HIBADH: variants seen among roughly 807,000 people sequenced by gnomAD.
The protein encoded by HIBADH is 3-hydroxyisobutyrate dehydrogenase, also known as 3-hydroxyisobutyrate dehydrogenase, mitochondrial.
Under a neutral mutation model 36.1 loss-of-function variants are expected in HIBADH, and 25 were observed. The observed-to-expected ratio is 0.69, with a 90% CI of 0.50 to 0.97. The LOEUF is 0.97. Ranked by LOEUF, HIBADH falls within the 50% of genes least tolerant of loss-of-function variation. The pLI is 0.00. For synonymous variants in HIBADH, 160 were observed against 149.5 expected, an observed-to-expected ratio of 1.07 and a Z score of -0.51; for missense variants, 421 against 418.0, an observed-to-expected ratio of 1.01 and a Z score of -0.06.
intron 4 of HIBADH, among the ~76,000 whole-genome samples, chr7:27,573,527 T>C (rs1336165463): frequency 4.6e-5 from 7 of 152,202 alleles, no homozygotes; most frequent in Admixed American, 1.3e-4. Flanking sequence ...GTGGCTGATA[T>C]ATGCATTATT....
At chr7:27,530,431 T>G (rs558920272) in intron 7 of HIBADH, among the ~76,000 whole-genome samples, 1 of 152,152 alleles carries the variant, frequency 6.6e-6, no homozygotes, top group Admixed American at 6.5e-5. Context: ...GGTCTCGAAC[T>G]CCTGACCTCA....
chr7:27,634,217 TTC>T (rs1295777502), intron 2 of HIBADH, among the ~76,000 whole-genome samples: 4 of 152,180 alleles, frequency 2.6e-5, no homozygotes, highest in Non-Finnish European at 5.9e-5. Flanking sequence ...AAAAAAGATA[TTC>T]TCTTTTAATG....
chr7:27,566,420 A>G (rs1022274936), intron 4 of HIBADH, among the ~76,000 whole-genome samples: 3 of 151,844 alleles, frequency 2.0e-5, no homozygotes, highest in Admixed American at 6.6e-5. Context: ...ATTTATGTCA[A>G]TTGAGTTCCT....
At chr7:27,622,775 G>T (rs927537239) in intron 4 of HIBADH, among the ~76,000 whole-genome samples, 14 of 152,060 alleles carry the variant, frequency 9.2e-5, no homozygotes, top group Admixed American at 2.6e-4. Flanking sequence ...AAGATGGAAA[G>T]AATAATAAAA....
intron 4 of HIBADH, among the ~76,000 whole-genome samples, chr7:27,573,891 G>A (rs1215710788): frequency 6.6e-6 from 1 of 152,110 alleles, no homozygotes; most frequent in Non-Finnish European, 1.5e-5. Flanking sequence ...TAAATAAAAT[G>A]TATTCCTGAA....
At chr7:27,567,111 T>G (rs1784557784) in intron 4 of HIBADH, among the ~76,000 whole-genome samples, 1 of 152,182 alleles carries the variant, frequency 6.6e-6, no homozygotes, top group African/African-American at 2.4e-5. Context: ...TCATATCCAT[T>G]ACTGAGAGAG....
intron 5 of HIBADH, 57 bp from the exon 6 acceptor site, chr7:27,538,474 G>C: frequency 6.7e-7 from 1 of 1,482,742 alleles, no homozygotes. Context: ...AAACTCACAG[G>C]ACGTTTTTCC....
At chr7:27,659,030 G>A (rs1786363829) in intron 1 of HIBADH, among the ~76,000 whole-genome samples, 1 of 152,194 alleles carries the variant, frequency 6.6e-6, no homozygotes, top group Non-Finnish European at 1.5e-5. Flanking sequence ...AATGTAAAGG[G>A]AAAAACTGCC....
intron 4 of HIBADH, among the ~76,000 whole-genome samples, chr7:27,614,171 T>C (rs1338510902): frequency 6.6e-6 from 1 of 152,226 alleles, no homozygotes; most frequent in African/African-American, 2.4e-5. Context: ...TTCTAAATTC[T>C]AAACTTTTAA....
rs539771884 is a variant in HIBADH, at chr7:27,628,023, G to A, written c.484+1348C>T. On this transcript the variant is annotated intron_variant, in intron 4 of 7. Transcript: ENST00000265395. Reference sequence around the variant, plus strand: ...AAATCAATCAATGGCAAGAACATTTGTACCATACCAATTTTCAAATTCAAC... The same window carrying A: ...AAATCAATCAATGGCAAGAACATTTATACCATACCAATTTTCAAATTCAAC... 3.3e-5 allele frequency among the ~76,000 whole-genome samples: 5 copies of A among 152,212 alleles called. No individual in the cohort carries two copies. The South Asian group carries it at 1.0e-3, about 32-fold the overall frequency.
chr7:27,547,813 C>A (rs1784255820), intron 4 of HIBADH, among the ~76,000 whole-genome samples: 1 of 151,978 alleles, frequency 6.6e-6, no homozygotes, highest in Non-Finnish European at 1.5e-5. Context: ...TATATTAATA[C>A]ACAAAACTAT....
intron 6 of HIBADH, 146 bp downstream of exon 6, chr7:27,538,195 G>T: frequency 1.5e-6 from 1 of 647,722 alleles, no homozygotes; most frequent in Non-Finnish European, 2.7e-6. Flanking sequence ...AATAAGCAAA[G>T]TCTATTAAAG....
At chr7:27,570,860 T>C (rs1196333655) in intron 4 of HIBADH, among the ~76,000 whole-genome samples, 1 of 152,148 alleles carries the variant, frequency 6.6e-6, no homozygotes, top group South Asian at 2.1e-4. Context: ...TTTAAAAAAA[T>C]TTAAACTCCT....
At chr7:27,572,437 T>C (rs771451615) in intron 4 of HIBADH, among the ~76,000 whole-genome samples, 5 of 152,212 alleles carry the variant, frequency 3.3e-5, no homozygotes, top group Non-Finnish European at 7.3e-5. Context: ...GTGATTTCCA[T>C]TGTATTTTTA....
At chr7:27,658,812 A>C (rs1431582692) in intron 1 of HIBADH, among the ~76,000 whole-genome samples, 1 of 152,214 alleles carries the variant, frequency 6.6e-6, no homozygotes, top group Non-Finnish European at 1.5e-5. Flanking sequence ...TTTATCACAT[A>C]ATACTACGTC....
intron 2 of HIBADH, among the ~76,000 whole-genome samples, chr7:27,634,414 G>A (rs977479450): frequency 2.6e-5 from 4 of 151,952 alleles, no homozygotes; most frequent in Non-Finnish European, 2.9e-5. Context: ...TAAATATTGA[G>A]ACTCTAGAAG....
chr7:27,625,046 T>C (rs927205555), intron 4 of HIBADH, among the ~76,000 whole-genome samples: 1 of 152,172 alleles, frequency 6.6e-6, no homozygotes, highest in African/African-American at 2.4e-5. Flanking sequence ...TATAGAACAA[T>C]ACCACAGAGC....
chr7:27,616,797 TAAA>T (rs34552407), intron 4 of HIBADH, among the ~76,000 whole-genome samples: 108,596 of 150,322 alleles, frequency 0.72, 39,145 homozygotes, highest in East Asian at 0.93. Flanking sequence ...AGTTAAAAGG[TAAA>T]AAAAAAAAAA....
chr7:27,539,486 G>A (rs1479052641), intron 5 of HIBADH, among the ~76,000 whole-genome samples: 1 of 152,102 alleles, frequency 6.6e-6, no homozygotes, highest in African/African-American at 2.4e-5. Context: ...TGTGTATTGG[G>A]AGGGGGAGGG....
Sources: gnomAD v4.1 joint callset for allele counts (sites outside exome capture counted in the v4.1 genomes callset) on GRCh38, gnomAD v4.1.1 for gene constraint, MANE v1.5 for transcripts, NCBI Gene and HGNC (gene_info 2026-07-23, HGNC 2026-07-21) for gene names.